Variants in TTC23 observed in about 807,000 individuals in gnomAD.
The protein encoded by TTC23 is tetratricopeptide repeat domain 23.
Under a neutral mutation model 55.1 loss-of-function variants are expected in TTC23, and 58 were observed. The observed-to-expected ratio is 1.05, with a 90% CI of 0.85 to 1.31. The LOEUF is 1.31. TTC23 is among the 50% of genes most tolerant of loss of function. TTC23 has a pLI of 0.00. For missense variants in TTC23, 516 were observed against 534.4 expected, an observed-to-expected ratio of 0.97 and a Z score of 0.34; for synonymous variants, 203 against 199.9, an observed-to-expected ratio of 1.02 and a Z score of -0.13.
intron 9 of TTC23, among the ~76,000 whole-genome samples, chr15:99,191,688 C>T (rs2075264037): frequency 6.6e-6 from 1 of 152,198 alleles, no homozygotes; most frequent in Admixed American, 6.5e-5. Context: ...ATTGCCCAGT[C>T]TCAGGTATGT....
intron 10 of TTC23, among the ~76,000 whole-genome samples, chr15:99,171,559 CTTTTTTTTTT>C (rs35676358): frequency 1.1e-5 from 1 of 92,302 alleles, no homozygotes; most frequent in Non-Finnish European, 2.0e-5. Context: ...GTCTCTCCGT[CTTTTTTTTTT>C]TTTTTTTTTT....
At chr15:99,185,342 C>T (rs1020429615) in intron 9 of TTC23, among the ~76,000 whole-genome samples, 1 of 152,186 alleles carries the variant, frequency 6.6e-6, no homozygotes, top group Non-Finnish European at 1.5e-5. Context: ...CTGCACCTGC[C>T]AGGAGCCATG....
chr15:99,147,366 C>T (rs1202698246), intron 12 of TTC23, among the ~76,000 whole-genome samples: 2 of 151,910 alleles, frequency 1.3e-5, no homozygotes, highest in Non-Finnish European at 2.9e-5. Flanking sequence ...GCTGGGACTA[C>T]AGGCGCCCGC....
chr15:99,143,182 GAT>G (rs1201296622), intron 12 of TTC23, among the ~76,000 whole-genome samples: 1 of 152,202 alleles, frequency 6.6e-6, no homozygotes, highest in Non-Finnish European at 1.5e-5. Flanking sequence ...CTCTTCCAAA[GAT>G]AGCTTTTTAA....
chr15:99,161,041 G>C (rs1032294207), intron 11 of TTC23: 52 of 150,724 alleles, frequency 3.5e-4, no homozygotes, highest in African/African-American at 1.1e-3. Flanking sequence ...ACTTAACGGA[G>C]AGGAGTGAAA....
At chr15:99,191,615 T>C (rs1263595481) in intron 9 of TTC23, among the ~76,000 whole-genome samples, 1 of 152,204 alleles carries the variant, frequency 6.6e-6, no homozygotes, top group Non-Finnish European at 1.5e-5. Flanking sequence ...CCTTCTACCA[T>C]GATTGTGAGG....
chr15:99,187,771 A>G (rs1049438045), intron 9 of TTC23, among the ~76,000 whole-genome samples: 1 of 152,092 alleles, frequency 6.6e-6, no homozygotes, highest in South Asian at 2.1e-4. Context: ...GGGAAATTCA[A>G]ATAAAAAGCC....
chr15:99,205,551 GT>G (rs200100672), intron 8 of TTC23, among the ~76,000 whole-genome samples: 17 of 145,798 alleles, frequency 1.2e-4, no homozygotes, highest in East Asian at 8.0e-4. Context: ...TTATTGCTAG[GT>G]TTTTTTTTGT....
chr15:99,168,619 C>A (rs1205599532), intron 10 of TTC23, among the ~76,000 whole-genome samples: 1 of 152,220 alleles, frequency 6.6e-6, no homozygotes, highest in Admixed American at 6.5e-5. Context: ...GCTGCTCATG[C>A]ACTTCAGCCT....
chr15:99,149,065 C>G (rs1379428956), intron 12 of TTC23, among the ~76,000 whole-genome samples: 5 of 152,196 alleles, frequency 3.3e-5, no homozygotes, highest in Non-Finnish European at 7.3e-5. Flanking sequence ...CTGTGATAAA[C>G]ACGAGAGCCA....
chr15:99,223,312 G>A (rs2078107794), intron 5 of TTC23, among the ~76,000 whole-genome samples: 1 of 152,202 alleles, frequency 6.6e-6, no homozygotes, highest in African/African-American at 2.4e-5. Flanking sequence ...TTTTGAAGAT[G>A]AGGTCTTTAA....
intron 8 of TTC23, among the ~76,000 whole-genome samples, chr15:99,217,816 T>C (rs1030925192): frequency 6.6e-6 from 1 of 152,350 alleles, no homozygotes; most frequent in East Asian, 1.9e-4. Flanking sequence ...TCCTAGCACC[T>C]TTCTTAAAAT....
At chr15:99,139,035 C>T in intron 13 of TTC23, 4 of 470,332 alleles carry the variant, frequency 8.5e-6, no homozygotes, top group South Asian at 2.0e-5. Context: ...ATTCCCGGGG[C>T]CCTCCCCCTG....
chr15:99,230,568 C>T (rs1451913897), intron 4 of TTC23, among the ~76,000 whole-genome samples: 1 of 151,868 alleles, frequency 6.6e-6, no homozygotes, highest in African/African-American at 2.4e-5. Flanking sequence ...ACATCATAAA[C>T]AAATTGCTTA....
At chr15:99,166,835 G>C (rs1182127897) in intron 10 of TTC23, among the ~76,000 whole-genome samples, 1 of 152,240 alleles carries the variant, frequency 6.6e-6, no homozygotes, top group African/African-American at 2.4e-5. Context: ...TCAGGCATCT[G>C]TGAACTCAGG....
At chr15:99,193,274 G>A (rs531170629) in intron 9 of TTC23, among the ~76,000 whole-genome samples, 17 of 152,294 alleles carry the variant, frequency 1.1e-4, no homozygotes, top group African/African-American at 3.6e-4. Flanking sequence ...TGGAGAGGCC[G>A]GGGGCAGAAT....
intron 12 of TTC23, chr15:99,139,753 G>T (rs1418349656): frequency 2.9e-5 from 38 of 1,317,432 alleles, no homozygotes; most frequent in Non-Finnish European, 3.4e-5. Flanking sequence ...GCCTGGAAAA[G>T]ATTTAAAAAA....
At chr15:99,161,551 CCCAGCTTCTAAGAGCAAGTAT>C (rs1355752740) in intron 11 of TTC23, among the ~76,000 whole-genome samples, 168 bp downstream of exon 11, 2 of 152,174 alleles carry the variant, frequency 1.3e-5, no homozygotes, top group Non-Finnish European at 2.9e-5. Context: ...CATAAAGTCT[CCCAGCTTCTAAGAGCAAGTAT>C]CTCTGGAAGC....
At chr15:99,149,857 A>G (rs1670213) in intron 12 of TTC23, among the ~76,000 whole-genome samples, 118,535 of 152,152 alleles carry the variant, frequency 0.78, 46,278 homozygotes, top group Middle Eastern at 0.83. Flanking sequence ...GGGAGCCAGC[A>G]GTGACAGTGT....
Sources: gnomAD v4.1 joint callset for allele counts (sites outside exome capture counted in the v4.1 genomes callset) on GRCh38, gnomAD v4.1.1 for gene constraint, MANE v1.5 for transcripts, NCBI Gene and HGNC (gene_info 2026-07-23, HGNC 2026-07-21) for gene names.